The following PSG3 variants were observed in gnomAD, a reference collection of about 807,000 sequenced individuals.
PSG3 encodes pregnancy specific beta-1-glycoprotein 3.
A neutral mutation model predicts 47.5 loss-of-function variants in PSG3; 61 were observed. The observed-to-expected ratio is 1.28, with a 90% CI of 1.05 to 1.59. The LOEUF (loss-of-function observed/expected upper bound fraction) is 1.59, where lower values mean the gene tolerates loss of function less well. Among genes scored for constraint, PSG3 ranks in the 40% most tolerant of loss-of-function variants. The pLI is 0.00. For synonymous variants in PSG3, 263 were observed against 198.4 expected (o/e 1.33, Z -2.74); for missense variants, 756 against 524.0 (o/e 1.44, Z -4.32).
chr19:42,729,157 C>A lies in PSG3; in HGVS notation c.1209G>T (p.Met403Ile). The change falls in exon 5 of 7, where the codon ATG becomes ATT. Residue 403 changes from methionine to isoleucine, a missense_variant. Coordinates refer to ENST00000327495, the MANE Select transcript of PSG3 (RefSeq NM_021016.4). ...ACSVRNSATG[M>I]ESSKSMTVKV... is the part of the protein sequence containing the mutation. Reference sequence around the variant, plus strand: ...TGACTGTCATGGATTTGGAGCTTTCCATGCCAGTGGCTGAGTTACGAACAG... The same window carrying A: ...TGACTGTCATGGATTTGGAGCTTTCAATGCCAGTGGCTGAGTTACGAACAG... The A allele has an allele frequency of 1.9e-6, 3 of 1,613,994 alleles. No individual in the cohort carries two copies. The highest frequency in any genetic ancestry group is 2.5e-6 in the Non-Finnish European group (3 of 1,179,876).
chr19:42,739,542 T>TC (rs951224384), intron 1 of PSG3: 82 of 171,072 alleles, frequency 4.8e-4, no homozygotes, highest in South Asian at 1.4e-4. Flanking sequence ...ATGTCTGTCT[T>TC]CCCCCCCATG....
intron 2 of PSG3, among the ~76,000 whole-genome samples, chr19:42,736,806 C>T (rs1013540065): frequency 2.9e-4 from 44 of 152,076 alleles, no homozygotes; most frequent in African/African-American, 9.4e-4. Flanking sequence ...CTCTTAGTGA[C>T]CTGGGGACAT....
At chr19:42,733,265 C>G (rs1364967144) in intron 2 of PSG3, 1 of 1,169,988 alleles carries the variant, frequency 8.5e-7, no homozygotes, top group Non-Finnish European at 1.2e-6. Flanking sequence ...GTGGGAGAAG[C>G]ACAGACTTTC....
chr19:42,739,106 G>A lies in PSG3; in HGVS notation c.65-17C>T, dbSNP rs565868436. ...AAAGTAATGCTAGGAGGTGGAGAGA[G>A]CATCAGTCAATATTGAGACCTATGC... On this transcript the variant is annotated splice_polypyrimidine_tract_variant and intron_variant, in intron 1 of 6. Transcript: ENST00000327495. 8 of 1,588,178 alleles carry A rather than the reference G, an allele frequency of 5.0e-6. No individual in the cohort carries two copies. The highest frequency in any genetic ancestry group is 1.4e-5 in the African/African-American group (1 of 73,768).
chr19:42,727,410 C>A (rs989006457), intron 5 of PSG3, among the ~76,000 whole-genome samples: 2 of 152,152 alleles, frequency 1.3e-5, no homozygotes, highest in African/African-American at 2.4e-5. Flanking sequence ...AAGTCAACAA[C>A]AGCAAACATC....
chr19:42,724,051 G>A lies in PSG3; in HGVS notation c.1244-26C>T, dbSNP rs773794033. The stretch of plus-strand genomic sequence containing the variant: ...CTGTCATGGAAAAAAAAGAAAAGAA[G>A]GAATGAAGATGATGTTATTTTACAT... On this transcript the variant is annotated intron_variant, in intron 5 of 6. Transcript: ENST00000327495. 11 of 1,599,166 alleles carry A rather than the reference G, an allele frequency of 6.9e-6. No homozygotes were observed. The African/African-American group carries it at 1.5e-4, about 21-fold the overall frequency.
At chr19:42,731,752 T>C (rs570069944) in intron 3 of PSG3, among the ~76,000 whole-genome samples, 34 of 151,902 alleles carry the variant, frequency 2.2e-4, no homozygotes, top group East Asian at 7.7e-4. Context: ...CTCCAATCCA[T>C]GAAAATGAAA....
intron 1 of PSG3, among the ~76,000 whole-genome samples, chr19:42,739,729 T>G (rs1025272824): frequency 4.6e-5 from 7 of 152,358 alleles, no homozygotes; most frequent in East Asian, 1.9e-4. Context: ...CATGCCCTGC[T>G]TATATTTTTA....
intron 6 of PSG3, among the ~76,000 whole-genome samples, chr19:42,723,366 A>T (rs56217450): frequency 6.6e-6 from 1 of 152,214 alleles, no homozygotes; most frequent in South Asian, 2.1e-4. Context: ...GGGTGAAGGG[A>T]CAGGGGTGTG....
At chr19:42,724,089 G>A in intron 5 of PSG3, 64 bp from the exon 6 acceptor site, 1 of 1,537,486 alleles carries the variant, frequency 6.5e-7, no homozygotes, top group Non-Finnish European at 9.0e-7. Context: ...GGGAGCCTCA[G>A]GAACAAGCAT....
intron 2 of PSG3, 25 bp downstream of exon 2, chr19:42,738,699 C>G (rs773136152): frequency 2.5e-6 from 4 of 1,612,756 alleles, no homozygotes; most frequent in East Asian, 4.5e-5. Flanking sequence ...CCCCCAACAC[C>G]CAGTGATCAC....
chr19:42,735,316 A>G (rs1437773365), intron 2 of PSG3, among the ~76,000 whole-genome samples: 1 of 152,148 alleles, frequency 6.6e-6, no homozygotes, highest in South Asian at 2.1e-4. Context: ...TTCTTTCCTC[A>G]GCTATGTTCA....
At chr19:42,738,467 A>C (rs1179459492) in intron 2 of PSG3, among the ~76,000 whole-genome samples, 1 of 152,106 alleles carries the variant, frequency 6.6e-6, no homozygotes, top group Non-Finnish European at 1.5e-5. Context: ...CTTGGCTGAG[A>C]CTGATCTCCT....
chr19:42,729,224 A>T lies in PSG3; in HGVS notation c.1142T>A (p.Ile381Asn). 2 of 1,613,958 alleles carry T rather than the reference A, an allele frequency of 1.2e-6. No individual in the cohort carries two copies. Among genetic ancestry groups the T allele is most frequent in the South Asian group, 1.1e-5 (1 of 91,066 alleles). ...KFQLSGQKLF[I>N]PQITTKHSGL... The stretch of plus-strand genomic sequence containing the variant: ...GCTATGCTTTGTAGTAATCTGGGGG[A>T]TAAAGAGCTTTTGTCCTGATAGCTG... Residue 381 changes from isoleucine to asparagine, a missense_variant, in exon 5 of 7, where the codon ATC becomes AAC. By Grantham distance (149) the Ile-to-Asn change is moderately radical. Transcript: ENST00000327495.
At chr19:42,731,045 T>C (rs1393396691) in intron 3 of PSG3, among the ~76,000 whole-genome samples, 1 of 152,170 alleles carries the variant, frequency 6.6e-6, no homozygotes, top group African/African-American at 2.4e-5. Context: ...TCTAGGGACC[T>C]CATGTAAGTG....
intron 1 of PSG3, chr19:42,739,397 C>G: frequency 2.9e-6 from 1 of 344,076 alleles, no homozygotes; most frequent in Non-Finnish European, 5.2e-6. Context: ...AGGTCCTGCT[C>G]ACATCAGGGC....
At position 42,729,205 on chromosome 19, in the gene PSG3, C is replaced by T; in HGVS notation, c.1161G>A (p.Lys387=). The T allele has an allele frequency of 6.2e-7, 1 of 1,613,980 alleles. No homozygotes were observed. The highest frequency in any genetic ancestry group is 8.5e-7 in the Non-Finnish European group (1 of 1,179,872). ...CAGAGCAAGCATAGAGCCCGCTATG[C>T]TTTGTAGTAATCTGGGGGATAAAGA... ...QKLFIPQITT[K]HSGLYACSVR... is the part of the protein sequence containing the mutation. The change falls in exon 5 of 7, where the codon AAG becomes AAA. Residue 387 remains lysine, a synonymous_variant. Transcript: ENST00000327495.
At chr19:42,733,142 T>C in intron 2 of PSG3, 80 bp from the exon 3 acceptor site, 1 of 1,553,032 alleles carries the variant, frequency 6.4e-7, no homozygotes, top group South Asian at 1.2e-5. Context: ...AGAGTTGGCA[T>C]TTCCCACCTC....
At chr19:42,724,078 G>C in intron 5 of PSG3, 53 bp from the exon 6 acceptor site, 1 of 1,558,114 alleles carries the variant, frequency 6.4e-7, no homozygotes, top group African/African-American at 1.4e-5. Context: ...ATTTTACATG[G>C]GGGAGCCTCA....
Sources: gnomAD v4.1 joint callset for allele counts (sites outside exome capture counted in the v4.1 genomes callset) on GRCh38, gnomAD v4.1.1 for gene constraint, MANE v1.5 for transcripts, NCBI Gene and HGNC (gene_info 2026-07-23, HGNC 2026-07-21) for gene names.